The following TDP1 variants were observed in gnomAD, a reference collection of about 807,000 sequenced individuals.
The protein encoded by TDP1 is tyrosyl-DNA phosphodiesterase 1.
Under a neutral mutation model 81.5 loss-of-function variants are expected in TDP1, and 64 were observed. The observed-to-expected ratio is 0.79, with a 90% CI of 0.64 to 0.97. The LOEUF (loss-of-function observed/expected upper bound fraction) is 0.97. TDP1 is among the 50% of genes least tolerant of loss of function. The pLI is 0.00. For synonymous variants in TDP1, 256 were observed against 264.3 expected, an observed-to-expected ratio of 0.97 and a Z score of 0.30; for missense variants, 723 against 743.8, an observed-to-expected ratio of 0.97 and a Z score of 0.33.
chr14:90,003,216 G>A (rs1473319717), intron 14 of TDP1, among the ~76,000 whole-genome samples: 5 of 152,204 alleles, frequency 3.3e-5, no homozygotes, highest in South Asian at 2.1e-4. Flanking sequence ...GATTACAGGC[G>A]TGAGCCACTG....
At chr14:89,984,716 T>C (rs1596555332) in intron 9 of TDP1, 33 bp downstream of exon 9, 1 of 1,611,082 alleles carries the variant, frequency 6.2e-7, no homozygotes, top group Non-Finnish European at 8.5e-7. Context: ...GGGGTGCTTA[T>C]GATAGGCTTA....
At chr14:89,969,094 C>T (rs1489686103) in intron 5 of TDP1, among the ~76,000 whole-genome samples, 1 of 152,194 alleles carries the variant, frequency 6.6e-6, no homozygotes, top group Non-Finnish European at 1.5e-5. Context: ...AACAGATGTG[C>T]CTCACAGCCT....
chr14:90,017,205 C>T (rs188091617), intron 14 of TDP1, among the ~76,000 whole-genome samples: 14 of 151,854 alleles, frequency 9.2e-5, no homozygotes, highest in African/African-American at 3.4e-4. Context: ...ACATGACGGG[C>T]GTGTGTGTGC....
chr14:90,028,443 A>G (rs1197193883), intron 15 of TDP1, among the ~76,000 whole-genome samples: 2 of 152,258 alleles, frequency 1.3e-5, no homozygotes, highest in Non-Finnish European at 2.9e-5. Flanking sequence ...TCAGAGCGAC[A>G]ATCAGCTCTT....
At position 90,029,202 on chromosome 14, in the gene TDP1, T is replaced by A. The variant is rs954808831; in HGVS notation, c.1645-3904T>A. On this transcript the variant is annotated intron_variant, in intron 15 of 16. Transcript: ENST00000335725. Reference sequence around the variant, plus strand: ...TTTCCAGCCCTGCCATTATTTTTTTTTTTTTTTTTTTTTGAGACAGAGTCT... The same window carrying A: ...TTTCCAGCCCTGCCATTATTTTTTTATTTTTTTTTTTTTGAGACAGAGTCT... Among the ~76,000 whole-genome samples the A allele has an allele frequency of 1.1e-4, 16 of 149,970 alleles. No individual in the cohort carries two copies. In the South Asian group the frequency reaches 1.3e-3, roughly 12 times the overall value.
chr14:90,001,099 C>G (rs551334661), intron 14 of TDP1, among the ~76,000 whole-genome samples: 1 of 152,320 alleles, frequency 6.6e-6, no homozygotes, highest in African/African-American at 2.4e-5. Flanking sequence ...TGTTATGTCT[C>G]TACCCATCAT....
At chr14:89,957,921 G>A (rs1891848705) in intron 2 of TDP1, among the ~76,000 whole-genome samples, 1 of 152,156 alleles carries the variant, frequency 6.6e-6, no homozygotes, top group South Asian at 2.1e-4. Context: ...ACTCAGCCTG[G>A]CAGAATGCAT....
chr14:90,016,533 T>C (rs957010780), intron 14 of TDP1, among the ~76,000 whole-genome samples: 1 of 152,204 alleles, frequency 6.6e-6, no homozygotes, highest in African/African-American at 2.4e-5. Flanking sequence ...AAAAACCACA[T>C]GGGTTTCCAT....
At chr14:89,977,430 T>C (rs1894476213) in intron 7 of TDP1, among the ~76,000 whole-genome samples, 1 of 152,138 alleles carries the variant, frequency 6.6e-6, no homozygotes, top group African/African-American at 2.4e-5. Context: ...CCTGAGTTGC[T>C]GGGACTACAG....
rs1359223845 is a variant in TDP1 at position 90,031,737 on chromosome 14, T to C, written c.1645-1369T>C. The stretch of plus-strand genomic sequence containing the variant: ...TAGTCCCTGGGACCTGCCAGGCTCT[T>C]TGCCACCTCTGGGCCTTTGCGGATG... On this transcript the variant is annotated intron_variant, in intron 15 of 16. Coordinates refer to ENST00000335725, the MANE Select transcript of TDP1 (RefSeq NM_018319.4). Among the ~76,000 whole-genome samples, 5 of 152,152 alleles carry C rather than the reference T, an allele frequency of 3.3e-5. No individual in the cohort carries two copies. The East Asian group carries it at 7.7e-4, about 23-fold the overall frequency.
intron 7 of TDP1, among the ~76,000 whole-genome samples, chr14:89,976,483 C>T (rs1894331847): frequency 6.6e-6 from 1 of 151,474 alleles, no homozygotes. Context: ...CCACTACCCC[C>T]TCGCTCCTAC....
At position 90,012,992 on chromosome 14, in the gene TDP1, C is replaced by G. The variant is rs563234790; in HGVS notation, c.1542-6324C>G. 2.2e-4 allele frequency among the ~76,000 whole-genome samples: 34 copies of G among 152,350 alleles called. 1 individual carries two copies. In the South Asian group the frequency reaches 6.8e-3, roughly 31 times the overall value. ...ACTGCCCTGACAGATTTTGGACTTG[C>G]ATGGGGCCTGTAGCCCCTTTGTTTT... is the stretch of plus-strand genomic sequence containing the variant. On this transcript the variant is annotated intron_variant, in intron 14 of 16. Transcript: ENST00000335725.
chr14:90,033,043 TG>T lies in TDP1; in HGVS notation c.1645-61del. On this transcript the variant is annotated intron_variant, in intron 15 of 16. Coordinates refer to ENST00000335725, the MANE Select transcript of TDP1 (RefSeq NM_018319.4). ...GATATTATTGCTTCTTGAGGCCTTC[TG>T]GTTTTTTTTTTTAAACCCAGAAAAT... 4 of 1,264,340 alleles carry T rather than the reference TG, an allele frequency of 3.2e-6. No homozygotes were observed. The African/African-American group carries it at 6.0e-5, about 19-fold the overall frequency. 78.3% of individuals were successfully genotyped at this position (1,264,340 alleles called of 1,614,324 possible).
At chr14:89,973,429 T>C (rs567625170) in intron 6 of TDP1, among the ~76,000 whole-genome samples, 2 of 152,228 alleles carry the variant, frequency 1.3e-5, no homozygotes, top group Non-Finnish European at 2.9e-5. Context: ...CCAGAGGGCA[T>C]AGTGAGCCAC....
rs150126528 is a variant in TDP1, at chr14:89,975,532, T to TGTA, written c.757-245_757-243dup. ...CAGTCCTAATTACTGTAATTAAAAA[T>TGTA]GTAGTATATATTCTGTAGTGTATAA... On this transcript the variant is annotated intron_variant, in intron 6 of 16. Transcript: ENST00000335725. 835 of 944,050 alleles carry TGTA rather than the reference T, an allele frequency of 8.8e-4. 2 individuals are homozygous for TGTA. The African/African-American group carries it at 0.014, about 16-fold the overall frequency. The allele number at this position is 944,050 out of a possible 1,614,324, so 58.5% of individuals were successfully genotyped here. A position where few individuals can be genotyped will look rare whatever the true frequency, so the allele number is the denominator to read the frequency against.
intron 14 of TDP1, among the ~76,000 whole-genome samples, chr14:89,995,726 G>A (rs1422258483): frequency 3.3e-5 from 5 of 152,110 alleles, no homozygotes; most frequent in African/African-American, 7.2e-5. Flanking sequence ...TTCCCAAACC[G>A]AACTCATGTA....
At chr14:89,978,846 T>C (rs1042090495) in intron 7 of TDP1, among the ~76,000 whole-genome samples, 1 of 152,250 alleles carries the variant, frequency 6.6e-6, no homozygotes, top group African/African-American at 2.4e-5. Flanking sequence ...GGAAAGAAGA[T>C]GGCACAGCAG....
At chr14:89,958,361 G>A (rs7156464) in intron 2 of TDP1, 7,973 of 152,324 alleles carry the variant, frequency 0.052, 342 homozygotes, top group African/African-American at 0.11. Context: ...CAAGAATAAT[G>A]AGGTTAGGCT....
chr14:90,019,038 A>G (rs1458963285), intron 14 of TDP1: 2 of 984,468 alleles, frequency 2.0e-6, no homozygotes, highest in Admixed American at 6.1e-5. Context: ...AGAACGAAAA[A>G]AATAAAATCT....
Sources: allele counts gnomAD v4.1 joint callset (sites outside exome capture counted in the v4.1 genomes callset), GRCh38; gene constraint gnomAD v4.1.1; transcripts MANE v1.5; gene names NCBI Gene and HGNC (gene_info 2026-07-23, HGNC 2026-07-21).